PSMA6: variants seen among roughly 807,000 people sequenced by gnomAD.
PSMA6 encodes the protein proteasome 20S subunit alpha 6, also known as proteasome subunit alpha type-6.
For synonymous variants in PSMA6, 88 were observed against 97.7 expected (o/e 0.90, Z 0.59); for missense variants, 170 against 294.8 (o/e 0.58, Z 3.10).
At chr14:35,303,714 C>T (rs1369726391) in intron 1 of PSMA6, among the ~76,000 whole-genome samples, 3 of 152,218 alleles carry the variant, frequency 2.0e-5, no homozygotes, top group Non-Finnish European at 4.4e-5. Flanking sequence ...CCTCCATATT[C>T]AACCCATATT....
chr14:35,314,744 C>CT (rs1003545927), intron 6 of PSMA6: 4 of 84,092 alleles, frequency 4.8e-5, no homozygotes, highest in South Asian at 5.3e-4. Flanking sequence ...TAAGTGTTTT[C>CT]TTTTTTTTAG....
chr14:35,279,985 C>T (rs370811724), intron 1 of PSMA6, among the ~76,000 whole-genome samples: 35 of 151,578 alleles, frequency 2.3e-4, no homozygotes, highest in African/African-American at 8.0e-4. Flanking sequence ...ATTAGCCAGG[C>T]GTGGTGGCAG....
chr14:35,281,714 C>T (rs1175315671), intron 1 of PSMA6, among the ~76,000 whole-genome samples: 2 of 152,174 alleles, frequency 1.3e-5, no homozygotes, highest in Non-Finnish European at 2.9e-5. Context: ...CAATAATTTT[C>T]CTCTCCTGAA....
chr14:35,310,262 T>TTCTCG (rs1303565885), intron 3 of PSMA6: 2 of 428,518 alleles, frequency 4.7e-6, no homozygotes, highest in Non-Finnish European at 9.2e-6. Flanking sequence ...GTTCAAGCAA[T>TTCTCG]TCTCGTGCCT....
chr14:35,302,640 T>C (rs2051737298), intron 1 of PSMA6, among the ~76,000 whole-genome samples: 1 of 152,176 alleles, frequency 6.6e-6, no homozygotes, highest in Admixed American at 6.5e-5. Context: ...GCTCTCCATA[T>C]AGGACTCCAG....
chr14:35,291,622 G>C (rs1220003997), upstream of PSMA6, among the ~76,000 whole-genome samples: 1 of 151,926 alleles, frequency 6.6e-6, no homozygotes. Flanking sequence ...TCAGGAGTTC[G>C]AGAGCTGCCT....
upstream of PSMA6, chr14:35,292,286 C>A: frequency 1.4e-6 from 2 of 1,404,910 alleles, no homozygotes; most frequent in Non-Finnish European, 9.3e-7. Context: ...ACTCCACCAC[C>A]CCCTTAGGGG....
At chr14:35,304,182 A>G (rs1251114622) in intron 1 of PSMA6, among the ~76,000 whole-genome samples, 1 of 152,090 alleles carries the variant, frequency 6.6e-6, no homozygotes, top group Non-Finnish European at 1.5e-5. Context: ...CATGTCGGCC[A>G]GGATGGTCTT....
chr14:35,306,961 A>G (rs1010950968), intron 1 of PSMA6, among the ~76,000 whole-genome samples: 2 of 152,122 alleles, frequency 1.3e-5, no homozygotes, highest in Non-Finnish European at 2.9e-5. Context: ...AGCCTGGCCA[A>G]CGTGGTGAAA....
At chr14:35,308,422 A>G (rs907028027) in intron 2 of PSMA6, 1 of 157,486 alleles carries the variant, frequency 6.3e-6, no homozygotes, top group African/African-American at 2.6e-5. Flanking sequence ...ACTCCGTCTC[A>G]AAAAAAAAAA....
intron 1 of PSMA6, chr14:35,293,417 G>A (rs1360038456): frequency 6.2e-6 from 1 of 160,094 alleles, no homozygotes; most frequent in African/African-American, 2.4e-5. Context: ...TTACCATAGA[G>A]AATTTAGTGT....
At chr14:35,314,782 A>C (rs1291994058) in intron 6 of PSMA6, 2 of 160,280 alleles carry the variant, frequency 1.2e-5, no homozygotes, top group African/African-American at 4.8e-5. Context: ...TTCAATTCCC[A>C]AAGTAGTAGT....
At chr14:35,289,134 G>T (rs2051450737), upstream of PSMA6, among the ~76,000 whole-genome samples, 1 of 152,058 alleles carries the variant, frequency 6.6e-6, no homozygotes, top group Admixed American at 6.6e-5. Context: ...TTAAATTCAG[G>T]TTTAAATAAA....
Position 35,292,396 on chromosome 14 carries a change from C to G in PSMA6, c.-81C>G. ...GCTGGTACCCCGGAAGCAGTCGCTG[C>G]AACTTCCGGGAGGTGCTTGTGTGCC... On this transcript the variant is annotated 5_prime_UTR_variant, in exon 1 of 7. Coordinates refer to ENST00000261479, the MANE Select transcript of PSMA6 (RefSeq NM_002791.3). 6.5e-7 allele frequency: 1 copy of G among 1,543,764 alleles called. No individual in the cohort carries two copies.
At chr14:35,299,884 A>G (rs2138728306) in intron 1 of PSMA6, among the ~76,000 whole-genome samples, 1 of 152,326 alleles carries the variant, frequency 6.6e-6, no homozygotes, top group Non-Finnish European at 1.5e-5. Context: ...AGTATAAAAA[A>G]GGTATTACAG....
intron 1 of PSMA6, among the ~76,000 whole-genome samples, chr14:35,302,474 T>G (rs2051734031): frequency 6.6e-6 from 1 of 152,216 alleles, no homozygotes; most frequent in Non-Finnish European, 1.5e-5. Flanking sequence ...TATTTTTGGT[T>G]TTCAGACATT....
chr14:35,292,406 G>A lies in PSMA6; in HGVS notation c.-71G>A. ...CGGAAGCAGTCGCTGCAACTTCCGG[G>A]AGGTGCTTGTGTGCCTGGTGCGGGA... On this transcript the variant is annotated 5_prime_UTR_variant, in exon 1 of 7. Transcript: ENST00000261479. The A allele has an allele frequency of 6.4e-7, 1 of 1,558,276 alleles. No individual in the cohort carries two copies. The highest frequency in any genetic ancestry group is 8.7e-7 in the Non-Finnish European group (1 of 1,153,476).
rs1441474782 is a variant in PSMA6, at chr14:35,317,372, C to T, written c.*66C>T. The T allele has an allele frequency of 2.2e-6, 3 of 1,395,064 alleles. No individual in the cohort carries two copies. Among genetic ancestry groups the T allele is most frequent in the Non-Finnish European group, 3.0e-6 (3 of 984,720 alleles). The allele number at this position is 1,395,064 out of a possible 1,614,324, so 86.4% of individuals were successfully genotyped here. A position where few individuals can be genotyped will look rare whatever the true frequency, so the allele number is the denominator to read the frequency against. On this transcript the variant is annotated 3_prime_UTR_variant, in exon 7 of 7. Coordinates refer to ENST00000261479, the MANE Select transcript of PSMA6 (RefSeq NM_002791.3). ...TGTGTGTTTGGTAACAACAAACCAA[C>T]ATCATGGAGGTCCCTGGATTGAAAA...
chr14:35,285,424 A>T (rs2051413070), intron 1 of PSMA6, among the ~76,000 whole-genome samples: 1 of 152,168 alleles, frequency 6.6e-6, no homozygotes, highest in Non-Finnish European at 1.5e-5. Flanking sequence ...TGGTTTCTAA[A>T]TTAGTGACTG....
Sources: gnomAD v4.1 joint callset for allele counts (sites outside exome capture counted in the v4.1 genomes callset) on GRCh38, gnomAD v4.1.1 for gene constraint, MANE v1.5 for transcripts, NCBI Gene and HGNC (gene_info 2026-07-23, HGNC 2026-07-21) for gene names.